Variants in USP47 observed in about 807,000 individuals in gnomAD.
The protein encoded by USP47 is ubiquitin carboxyl-terminal hydrolase 47.
Under a neutral mutation model 165.1 loss-of-function variants are expected in USP47, and 35 were observed. That is an observed-to-expected ratio of 0.21 (90% confidence interval 0.16 to 0.28). The LOEUF (loss-of-function observed/expected upper bound fraction) is 0.28. Ranked by LOEUF, USP47 falls within the 10% of genes least tolerant of loss-of-function variation. USP47 has a pLI of 1.00. For synonymous variants in USP47, 531 were observed against 544.5 expected, an observed-to-expected ratio of 0.98 and a Z score of 0.35; for missense variants, 1,277 against 1,607.4, an observed-to-expected ratio of 0.79 and a Z score of 3.52.
At chr11:11,856,900 C>T (rs1040677930) in intron 1 of USP47, 1 of 152,124 alleles carries the variant, frequency 6.6e-6, no homozygotes, top group Non-Finnish European at 1.5e-5. Context: ...TCCCTATTTA[C>T]TTCTCTTCTT....
At chr11:11,894,131 C>A (rs1016233304) in intron 4 of USP47, among the ~76,000 whole-genome samples, 6 of 152,058 alleles carry the variant, frequency 3.9e-5, no homozygotes, top group East Asian at 1.9e-4. Flanking sequence ...ATTTTAATTT[C>A]TTTAAAATTA....
intron 4 of USP47, among the ~76,000 whole-genome samples, chr11:11,894,150 G>A (rs1851709808): frequency 6.6e-6 from 1 of 151,992 alleles, no homozygotes; most frequent in African/African-American, 2.4e-5. Flanking sequence ...TAATTTTGGG[G>A]GTACTTGTTA....
intron 1 of USP47, among the ~76,000 whole-genome samples, chr11:11,876,852 G>A (rs890715410): frequency 8.5e-5 from 13 of 152,120 alleles, no homozygotes; most frequent in Admixed American, 5.9e-4. Flanking sequence ...CACACACAGC[G>A]TGACTTCTGT....
At chr11:11,878,522 A>C (rs1378779106) in intron 1 of USP47, 1 of 152,224 alleles carries the variant, frequency 6.6e-6, no homozygotes, top group Non-Finnish European at 1.5e-5. Flanking sequence ...AAAATAATCT[A>C]TTAAATGTGT....
intron 3 of USP47, among the ~76,000 whole-genome samples, chr11:11,887,127 T>TA (rs1230099213): frequency 1.3e-5 from 2 of 151,968 alleles, no homozygotes; most frequent in African/African-American, 2.4e-5. Context: ...AGTACAAAAA[T>TA]ACACTGAAGT....
intron 18 of USP47, among the ~76,000 whole-genome samples, 156 bp from the exon 19 acceptor site, chr11:11,940,273 C>T (rs1855374436): frequency 6.6e-6 from 1 of 151,814 alleles, no homozygotes; most frequent in Non-Finnish European, 1.5e-5. Context: ...GTAATTTTTC[C>T]CTTCAATTAT....
rs747058682 is a variant in USP47, at chr11:11,930,106, T to C, written c.1581T>C (p.Ser527=). The C allele has an allele frequency of 6.2e-7, 1 of 1,612,840 alleles. No individual in the cohort carries two copies. The highest frequency in any genetic ancestry group is 8.5e-7 in the Non-Finnish European group (1 of 1,178,958). Residue 527 remains serine, a synonymous_variant, in exon 13 of 28, where the codon TCT becomes TCC. Transcript: ENST00000527733. ...GGSSGSRGYY[S]SAFASSTNAY... is the part of the protein sequence containing the mutation. ...CTTCAGGAAGCAGAGGATATTATTC[T>C]AGTGCTTTCGCAAGGTAAGCAATTT...
At position 11,929,548 on chromosome 11, in the gene USP47, G is replaced by C; in HGVS notation, c.1501G>C (p.Asp501His). 1 of 1,612,976 alleles carries C rather than the reference G, an allele frequency of 6.2e-7. No homozygotes were observed. Among genetic ancestry groups the C allele is most frequent in the Non-Finnish European group, 8.5e-7 (1 of 1,179,258 alleles). Residue 501 changes from aspartate to histidine, a missense_variant, in exon 12 of 28, where the codon GAT (aspartate) becomes CAT (histidine). Physicochemically the swap from Asp to His is moderately conservative, Grantham distance 81. Around this residue, in one of 4 missense-constraint regions of USP47, gnomAD observed 909 missense variants for 1,068.1 expected, o/e 0.85. Transcript: ENST00000527733. ...FSDEQWYSFN[D>H]QHVSRITQED... is the part of the protein sequence containing the mutation. The stretch of plus-strand genomic sequence containing the variant: ...TGATGAGCAGTGGTACAGCTTCAAT[G>C]ATCAACATGTCAGCAGGGTAAGGAG...
At chr11:11,927,446 G>T (rs1275530856) in intron 11 of USP47, among the ~76,000 whole-genome samples, 1 of 152,022 alleles carries the variant, frequency 6.6e-6, no homozygotes, top group African/African-American at 2.4e-5. Context: ...ATGTATGTCT[G>T]GTTTTGTACT....
chr11:11,852,742 C>A lies in USP47; in HGVS notation c.39+10518C>A, dbSNP rs749540248. On this transcript the variant is annotated intron_variant, in intron 1 of 27. Coordinates refer to ENST00000527733, the MANE Select transcript of USP47 (RefSeq NM_001282659.2). The stretch of plus-strand genomic sequence containing the variant: ...TAATAGTCTTTCAAAAATTTCTTAA[C>A]TGGGAGGCATCAGAGCTAAATCCTT... Among the ~76,000 whole-genome samples, 96 of 152,192 alleles carry A rather than the reference C, an allele frequency of 6.3e-4. 1 individual carries two copies. The highest frequency in any genetic ancestry group is 1.3e-3 in the Non-Finnish European group (87 of 68,032).
rs1432828008 is a variant in USP47, at chr11:11,906,822, T to C, written c.969+1274T>C. On this transcript the variant is annotated intron_variant, in intron 8 of 27. Coordinates refer to ENST00000527733, the MANE Select transcript of USP47 (RefSeq NM_001282659.2). ...TAGAAATGACATACTGAAAAAATCA[T>C]TGAAAAACTAACATTTGTCTTTCAA... Among the ~76,000 whole-genome samples, 3 of 152,214 alleles carry C rather than the reference T, an allele frequency of 2.0e-5. No individual in the cohort carries two copies. In the East Asian group the frequency reaches 5.8e-4, roughly 29 times the overall value.
intron 16 of USP47, among the ~76,000 whole-genome samples, chr11:11,934,981 G>A (rs1462764740): frequency 1.3e-5 from 2 of 152,116 alleles, no homozygotes; most frequent in Admixed American, 1.3e-4. Context: ...GTTTCTGAAA[G>A]TGTGATCCAG....
At chr11:11,859,773 T>C (rs1849266935) in intron 1 of USP47, among the ~76,000 whole-genome samples, 2 of 152,200 alleles carry the variant, frequency 1.3e-5, no homozygotes, top group Admixed American at 1.3e-4. Context: ...CTATAATTCA[T>C]AGAGCATTTT....
chr11:11,918,935 T>C (rs1373910322), intron 8 of USP47, among the ~76,000 whole-genome samples: 3 of 152,110 alleles, frequency 2.0e-5, no homozygotes, highest in East Asian at 3.9e-4. Context: ...TATAGAACTT[T>C]CCTTTTTCCC....
intron 4 of USP47, 77 bp downstream of exon 4, chr11:11,892,183 C>T: frequency 6.8e-7 from 1 of 1,462,218 alleles, no homozygotes; most frequent in Non-Finnish European, 9.2e-7. Context: ...GCCTAATCCT[C>T]TTATTTTATG....
At chr11:11,942,215 TATC>T in intron 19 of USP47, 117 bp from the exon 20 acceptor site, 12 of 1,160,694 alleles carry the variant, frequency 1.0e-5, no homozygotes, top group Non-Finnish European at 1.4e-5. Flanking sequence ...TCAGAAACTA[TATC>T]ATCACACATG....
At chr11:11,953,061 G>T (rs1225155958) in intron 25 of USP47, among the ~76,000 whole-genome samples, 190 bp downstream of exon 25, 2 of 152,150 alleles carry the variant, frequency 1.3e-5, no homozygotes, top group Admixed American at 6.6e-5. Flanking sequence ...CACTCTGGTT[G>T]TTCAGGCTCC....
chr11:11,912,922 C>T (rs1047251234), intron 8 of USP47, among the ~76,000 whole-genome samples: 2 of 151,900 alleles, frequency 1.3e-5, no homozygotes, highest in African/African-American at 4.8e-5. Context: ...ATGATCATAT[C>T]GATTTAGAAA....
intron 18 of USP47, among the ~76,000 whole-genome samples, chr11:11,938,765 C>T (rs376710412): frequency 2.0e-5 from 3 of 151,864 alleles, no homozygotes; most frequent in East Asian, 3.9e-4. Context: ...ACTAGACTAG[C>T]GTTCCACATG....
Sources: allele counts gnomAD v4.1 joint callset (sites outside exome capture counted in the v4.1 genomes callset), GRCh38; gene constraint gnomAD v4.1.1; regional missense constraint gnomAD v4.1.1; transcripts MANE v1.5; gene names NCBI Gene and HGNC (gene_info 2026-07-23, HGNC 2026-07-21).